ORC5: variants seen among roughly 807,000 people sequenced by gnomAD.
The protein encoded by ORC5 is protein phosphatase 1, regulatory subunit 117.
Under a neutral mutation model 58.8 loss-of-function variants are expected in ORC5, and 39 were observed. The observed-to-expected ratio is 0.66, with a 90% CI of 0.51 to 0.87. The LOEUF is 0.87. ORC5 is among the 40% of genes least tolerant of loss of function. ORC5 has a pLI of 0.00. For missense variants in ORC5, 493 were observed against 506.3 expected, an observed-to-expected ratio of 0.97 and a Z score of 0.25; for synonymous variants, 218 against 177.6, an observed-to-expected ratio of 1.23 and a Z score of -1.81.
intron 5 of ORC5, among the ~76,000 whole-genome samples, chr7:104,193,033 A>C (rs1418238367): frequency 2.0e-5 from 3 of 152,068 alleles, no homozygotes; most frequent in African/African-American, 7.2e-5. Context: ...AAAGATAGAG[A>C]AGAAAAGGTG....
intron 12 of ORC5, among the ~76,000 whole-genome samples, chr7:104,159,634 T>C (rs1798991295): frequency 6.6e-6 from 1 of 152,060 alleles, no homozygotes; most frequent in Non-Finnish European, 1.5e-5. Context: ...CACAGGTAAT[T>C]TGTGGGCACC....
chr7:104,188,097 G>C lies in ORC5; in HGVS notation c.684+154C>G, dbSNP rs374827862. 1.5e-4 allele frequency: 142 copies of C among 929,972 alleles called. No individual in the cohort carries two copies. In the African/African-American group the frequency reaches 2.1e-3, roughly 13 times the overall value. The allele number at this position is 929,972 out of a possible 1,614,324, so 57.6% of individuals were successfully genotyped here. A position where few individuals can be genotyped will look rare whatever the true frequency, so the allele number is the denominator to read the frequency against. ...TCTTATGGTATGTTAGTCTCTAGAG[G>C]CCATATGCAAATTCCCAGAATAAAA... is the stretch of plus-strand genomic sequence containing the variant. On this transcript the variant is annotated intron_variant, in intron 6 of 13. Transcript: ENST00000297431.
At chr7:104,194,099 C>CTTTT (rs34994380) in intron 5 of ORC5, among the ~76,000 whole-genome samples, 9 of 133,030 alleles carry the variant, frequency 6.8e-5, no homozygotes, top group Non-Finnish European at 1.4e-4. Context: ...GGTACAGAGC[C>CTTTT]TTTTTTTTTT....
chr7:104,143,187 A>G (rs562309068), intron 12 of ORC5, among the ~76,000 whole-genome samples: 3 of 152,062 alleles, frequency 2.0e-5, no homozygotes, highest in African/African-American at 7.2e-5. Context: ...AACATTAATT[A>G]CCCTGTACTT....
intron 8 of ORC5, among the ~76,000 whole-genome samples, chr7:104,173,867 C>T (rs12705183): frequency 0.4 from 50,974 of 126,892 alleles, 11,876 homozygotes; most frequent in Non-Finnish European, 0.55. Context: ...TTTTTTGAGA[C>T]GGAGTCTCGC....
chr7:104,195,133 T>A lies in ORC5; in HGVS notation c.553+10A>T, dbSNP rs1276251777. On this transcript the variant is annotated intron_variant, in intron 5 of 13. Coordinates refer to ENST00000297431, the MANE Select transcript of ORC5 (RefSeq NM_002553.4). Reference sequence around the variant, plus strand: ...CATATCATTTGCCAAAACAATGTTTTAAGGTTTACCTATGCTGTAATCAGG... The same window carrying A: ...CATATCATTTGCCAAAACAATGTTTAAAGGTTTACCTATGCTGTAATCAGG... 2.1e-6 allele frequency: 3 copies of A among 1,419,448 alleles called. No individual in the cohort carries two copies. The highest frequency in any genetic ancestry group is 2.9e-6 in the Non-Finnish European group (3 of 1,040,042). The allele number at this position is 1,419,448 out of a possible 1,614,324, so 87.9% of individuals were successfully genotyped here. A position where few individuals can be genotyped will look rare whatever the true frequency, so the allele number is the denominator to read the frequency against.
chr7:104,147,538 C>A (rs796296428), intron 12 of ORC5, among the ~76,000 whole-genome samples: 2 of 152,160 alleles, frequency 1.3e-5, no homozygotes, highest in African/African-American at 4.8e-5. Context: ...CCCATCAGGA[C>A]TTGAAACTTT....
At chr7:104,144,830 A>T (rs1798730215) in intron 12 of ORC5, among the ~76,000 whole-genome samples, 1 of 152,222 alleles carries the variant, frequency 6.6e-6, no homozygotes, top group South Asian at 2.1e-4. Context: ...AATGTTCATG[A>T]CAATATGAAC....
At chr7:104,127,549 G>C (rs1357807716) in intron 13 of ORC5, among the ~76,000 whole-genome samples, 1 of 27,364 alleles carries the variant, frequency 3.7e-5, no homozygotes, top group Non-Finnish European at 5.3e-5. Flanking sequence ...ATTCAGACTT[G>C]GTTTATTATT....
chr7:104,193,719 T>TAA (rs10651483), intron 5 of ORC5, among the ~76,000 whole-genome samples: 55,629 of 145,626 alleles, frequency 0.38, 12,257 homozygotes, highest in Non-Finnish European at 0.51. Context: ...TGTTTTTGCT[T>TAA]AAAAAAAAAA....
rs200661013 is a variant in ORC5 at position 104,204,093 on chromosome 7, T to C, written c.165+49A>G. ...GGAGATTCACAATTATCAGTACCAA[T>C]ATTATACACTAAAAATGGCAAAGAA... On this transcript the variant is annotated intron_variant, in intron 2 of 13. Transcript: ENST00000297431. 113 of 994,078 alleles carry C rather than the reference T, an allele frequency of 1.1e-4. No individual in the cohort carries two copies. In the African/African-American group the frequency reaches 1.6e-3, roughly 14 times the overall value. The allele number at this position is 994,078 out of a possible 1,614,324, so 61.6% of individuals were successfully genotyped here.
At chr7:104,167,239 C>T (rs953541425) in intron 9 of ORC5, among the ~76,000 whole-genome samples, 2 of 152,128 alleles carry the variant, frequency 1.3e-5, no homozygotes, top group South Asian at 2.1e-4. Flanking sequence ...TCCCACATAA[C>T]GTGATGCCTT....
chr7:104,186,104 G>C (rs995380167), intron 6 of ORC5, among the ~76,000 whole-genome samples: 1 of 152,078 alleles, frequency 6.6e-6, no homozygotes, highest in Non-Finnish European at 1.5e-5. Context: ...TAACACTAAA[G>C]TGTCATAATG....
At chr7:104,154,471 A>AT (rs982949729) in intron 12 of ORC5, among the ~76,000 whole-genome samples, 1 of 152,042 alleles carries the variant, frequency 6.6e-6, no homozygotes, top group Non-Finnish European at 1.5e-5. Context: ...TTCAGCACAT[A>AT]TATGTCTTCA....
intron 6 of ORC5, chr7:104,187,686 T>C (rs576822983): frequency 3.5e-6 from 3 of 861,166 alleles, no homozygotes; most frequent in Non-Finnish European, 4.2e-6. Flanking sequence ...TTTTCCAAAC[T>C]GTCTATGAAA....
chr7:104,142,968 T>C (rs532580360), intron 12 of ORC5, among the ~76,000 whole-genome samples: 4 of 152,272 alleles, frequency 2.6e-5, no homozygotes, highest in African/African-American at 9.6e-5. Flanking sequence ...ATAATGACAG[T>C]AGGCCTGAAA....
At chr7:104,206,577 A>T (rs1221457918) in intron 1 of ORC5, among the ~76,000 whole-genome samples, 1 of 152,224 alleles carries the variant, frequency 6.6e-6, no homozygotes, top group African/African-American at 2.4e-5. Context: ...AAATTAATTG[A>T]AGATGCAGTT....
intron 12 of ORC5, among the ~76,000 whole-genome samples, chr7:104,145,467 T>C (rs556104486): frequency 7.4e-4 from 113 of 152,318 alleles, no homozygotes; most frequent in Non-Finnish European, 1.4e-3. Context: ...GGTAAAACAT[T>C]CTGTAATCTT....
At chr7:104,170,720 T>C (rs1275749458) in intron 8 of ORC5, among the ~76,000 whole-genome samples, 1 of 152,236 alleles carries the variant, frequency 6.6e-6, no homozygotes, top group Non-Finnish European at 1.5e-5. Flanking sequence ...CATTCTGGAT[T>C]AATTGGGAAA....
Sources: allele counts gnomAD v4.1 joint callset (sites outside exome capture counted in the v4.1 genomes callset), GRCh38; gene constraint gnomAD v4.1.1; transcripts MANE v1.5; gene names NCBI Gene and HGNC (gene_info 2026-07-23, HGNC 2026-07-21).